TBXAS1: variants seen among roughly 807,000 people sequenced by gnomAD.
TBXAS1 encodes the protein thromboxane A synthase 1, also known as thromboxane-A synthase.
In TBXAS1, 48 loss-of-function variants were observed where a neutral mutation model predicts 60.7. The observed-to-expected ratio is 0.79, with a 90% CI of 0.63 to 1.01. The LOEUF (loss-of-function observed/expected upper bound fraction) is 1.01, where lower values mean the gene tolerates loss of function less well. Among genes scored for constraint, TBXAS1 ranks in the 50% least tolerant of loss-of-function variants. The pLI, the probability that TBXAS1 is intolerant of heterozygous loss-of-function variation, is 0.00. For missense variants in TBXAS1, 685 were observed against 686.3 expected, an observed-to-expected ratio of 1.00 and a Z score of 0.02; for synonymous variants, 287 against 269.7, an observed-to-expected ratio of 1.06 and a Z score of -0.63.
At chr7:139,786,051 G>GTT (rs539047086) in intron 3 of TBXAS1, among the ~76,000 whole-genome samples, 4 of 139,636 alleles carry the variant, frequency 2.9e-5, no homozygotes, top group African/African-American at 8.0e-5. Flanking sequence ...GTATTAGAGG[G>GTT]TTTTTTTTTT....
chr7:139,952,014 A>AAAGAAAGAGAG (rs1569518460), intron 5 of TBXAS1, among the ~76,000 whole-genome samples: 7 of 40,080 alleles, frequency 1.7e-4, no homozygotes, highest in African/African-American at 5.4e-4. Flanking sequence ...AAGAAAGAAA[A>AAAGAAAGAGAG]AGAAAGGAAG....
At chr7:139,860,940 G>A (rs961957775) in intron 1 of TBXAS1, among the ~76,000 whole-genome samples, 1 of 152,226 alleles carries the variant, frequency 6.6e-6, no homozygotes, top group Admixed American at 6.5e-5. Flanking sequence ...TTGGGAGGCT[G>A]AGGTGGGCGG....
At chr7:139,858,645 C>T (rs913751278) in intron 1 of TBXAS1, among the ~76,000 whole-genome samples, 23 of 152,180 alleles carry the variant, frequency 1.5e-4, no homozygotes, top group Non-Finnish European at 1.5e-5. Context: ...TCCCCCAGCA[C>T]CATGCTTGGT....
intron 3 of TBXAS1, among the ~76,000 whole-genome samples, chr7:139,900,252 A>T (rs1014969314): frequency 2.0e-5 from 3 of 152,232 alleles, no homozygotes; most frequent in Non-Finnish European, 4.4e-5. Context: ...CAGTTCCAGT[A>T]AACTACAGAG....
intron 4 of TBXAS1, among the ~76,000 whole-genome samples, chr7:139,934,085 C>T (rs1807549945): frequency 6.6e-6 from 1 of 152,206 alleles, no homozygotes; most frequent in Non-Finnish European, 1.5e-5. Context: ...TACACTTTCC[C>T]TCCAGGAAAA....
At chr7:139,867,160 C>T (rs947853842) in intron 1 of TBXAS1, among the ~76,000 whole-genome samples, 2 of 152,196 alleles carry the variant, frequency 1.3e-5, no homozygotes, top group African/African-American at 2.4e-5. Flanking sequence ...TACCTGGCAC[C>T]GCTGGGCTTC....
chr7:139,801,079 C>T (rs1797711155), intron 4 of TBXAS1, among the ~76,000 whole-genome samples: 1 of 152,190 alleles, frequency 6.6e-6, no homozygotes, highest in South Asian at 2.1e-4. Context: ...TGACATTAAC[C>T]TTATCAGTTA....
chr7:139,790,632 T>C (rs966924537), intron 4 of TBXAS1, among the ~76,000 whole-genome samples: 4 of 152,146 alleles, frequency 2.6e-5, no homozygotes, highest in South Asian at 4.1e-4. Context: ...TGAATGTACA[T>C]AGTAATAAGC....
chr7:139,955,374 T>A, intron 6 of TBXAS1, 85 bp from the exon 7 acceptor site: 1 of 1,568,202 alleles, frequency 6.4e-7, no homozygotes, highest in Admixed American at 1.7e-5. Flanking sequence ...GTGTAAGCAA[T>A]TCAGGCCCTC....
intron 5 of TBXAS1, among the ~76,000 whole-genome samples, chr7:139,945,732 C>G (rs182911801): frequency 5.3e-5 from 8 of 152,264 alleles, no homozygotes; most frequent in Admixed American, 4.6e-4. Context: ...CTTTTGTTAG[C>G]TCATTGTTTC....
At chr7:139,948,418 C>T (rs1169502845) in intron 5 of TBXAS1, among the ~76,000 whole-genome samples, 1 of 152,176 alleles carries the variant, frequency 6.6e-6, no homozygotes, top group Non-Finnish European at 1.5e-5. Flanking sequence ...TCCTTAGAAG[C>T]CCTATCTCCA....
chr7:139,893,705 C>CA (rs1311279769), intron 3 of TBXAS1, among the ~76,000 whole-genome samples: 2 of 152,328 alleles, frequency 1.3e-5, no homozygotes, highest in East Asian at 3.9e-4. Context: ...CTGCACACTT[C>CA]AATACATCTC....
chr7:139,787,596 G>A (rs1318648207), intron 4 of TBXAS1, among the ~76,000 whole-genome samples: 1 of 152,162 alleles, frequency 6.6e-6, no homozygotes, highest in African/African-American at 2.4e-5. Flanking sequence ...TCCTGAGTTT[G>A]AGGGTTGGGT....
intron 4 of TBXAS1, among the ~76,000 whole-genome samples, chr7:139,793,012 A>G (rs1364647167): frequency 6.6e-6 from 1 of 152,224 alleles, no homozygotes; most frequent in Non-Finnish European, 1.5e-5. Flanking sequence ...AGACCAGGTC[A>G]CCAGTTTTTA....
intron 9 of TBXAS1, among the ~76,000 whole-genome samples, chr7:139,991,293 C>T (rs1812879800): frequency 6.6e-6 from 1 of 152,276 alleles, no homozygotes; most frequent in African/African-American, 2.4e-5. Context: ...CCCATCCCTA[C>T]CCCATGCAGG....
chr7:139,789,086 C>G (rs1411598140), intron 4 of TBXAS1, among the ~76,000 whole-genome samples: 1 of 152,140 alleles, frequency 6.6e-6, no homozygotes, highest in Admixed American at 6.5e-5. Context: ...AAATGGAGGT[C>G]GTTAGTGTGA....
intron 5 of TBXAS1, among the ~76,000 whole-genome samples, chr7:139,951,139 C>A (rs184389861): frequency 1.2e-4 from 18 of 152,250 alleles, no homozygotes; most frequent in African/African-American, 4.1e-4. Context: ...ACAACTAGTG[C>A]CTTTCTAATG....
intron 9 of TBXAS1, among the ~76,000 whole-genome samples, chr7:139,996,727 G>A (rs1302602085): frequency 6.6e-6 from 1 of 152,236 alleles, no homozygotes; most frequent in Non-Finnish European, 1.5e-5. Context: ...CAGGCTGCAT[G>A]TGATAATCCC....
chr7:139,916,057 T>G lies in TBXAS1; in HGVS notation c.333+4736T>G, dbSNP rs993354549. ...ATAGAAGCTCAGTCGTCCTGGTACA[T>G]CAGGACTCGGATGTTTCTATTTAGA... On this transcript the variant is annotated intron_variant, in intron 4 of 12. Transcript: ENST00000448866. This position sits in a 1 kb window ranked among gnomAD's most constrained non-coding sequence, Gnocchi z 4.2. Among the ~76,000 whole-genome samples, 2 of 152,226 alleles carry G rather than the reference T, an allele frequency of 1.3e-5. No homozygotes were observed. The highest frequency in any genetic ancestry group is 2.9e-5 in the Non-Finnish European group (2 of 68,036).
Sources: gnomAD v4.1 joint callset for allele counts (sites outside exome capture counted in the v4.1 genomes callset) on GRCh38, gnomAD v4.1.1 for gene constraint, Gnocchi (gnomAD v3.1) non-coding constraint, MANE v1.5 for transcripts, NCBI Gene and HGNC (gene_info 2026-07-23, HGNC 2026-07-21) for gene names.